The following SPRED1 variants were observed in gnomAD, a reference collection of about 807,000 sequenced individuals.
The protein encoded by SPRED1 is sprouty related EVH1 domain containing 1, also known as sprouty-related, EVH1 domain-containing protein 1.
In SPRED1, 18 loss-of-function variants were observed where a neutral mutation model predicts 52.3. The observed-to-expected ratio is 0.34, with a 90% CI of 0.24 to 0.51. The LOEUF (loss-of-function observed/expected upper bound fraction) is 0.51. Among genes scored for constraint, SPRED1 ranks in the 20% least tolerant of loss-of-function variants. The probability of loss-of-function intolerance (pLI) is 0.97; values close to 1 mark genes in which losing one functional copy is unlikely to be tolerated. For missense variants in SPRED1, 485 were observed against 551.0 expected (o/e 0.88, Z 1.20); for synonymous variants, 155 against 179.7 (o/e 0.86, Z 1.10).
chr15:38,334,659 T>G (rs1424752221), intron 4 of SPRED1, among the ~76,000 whole-genome samples: 1 of 152,102 alleles, frequency 6.6e-6, no homozygotes, highest in African/African-American at 2.4e-5. Context: ...TTGGGAATAC[T>G]GAAAATATCA....
intron 1 of SPRED1, among the ~76,000 whole-genome samples, chr15:38,263,573 AG>A: frequency 6.6e-6 from 1 of 152,202 alleles, no homozygotes; most frequent in Non-Finnish European, 1.5e-5. Flanking sequence ...TTAGAAGCCA[AG>A]GGAAAAAGGA....
In SPRED1 at chr15:38,353,888, G is replaced by A. The variant is rs1888549087; in HGVS notation, c.*2224G>A. The A allele has an allele frequency of 6.6e-6, 1 of 152,490 alleles. No homozygotes were observed. Among genetic ancestry groups the A allele is most frequent in the African/African-American group, 2.4e-5 (1 of 41,446 alleles). 9.4% of individuals were successfully genotyped at this position (152,490 alleles called of 1,614,324 possible). A position where few individuals can be genotyped will look rare whatever the true frequency, so the allele number is the denominator to read the frequency against. On this transcript the variant is annotated 3_prime_UTR_variant, in exon 7 of 7. Transcript: ENST00000299084. ...TCAGTATAGTGCAACTCCTGGTTCT[G>A]TACTGTATTTTATATGCAACATATA...
chr15:38,273,439 A>C (rs1220091627), intron 1 of SPRED1, among the ~76,000 whole-genome samples: 1 of 151,368 alleles, frequency 6.6e-6, no homozygotes, highest in Non-Finnish European at 1.5e-5. Context: ...GTCTGTTAAC[A>C]ACATAGAGCT....
rs1167176038 is a variant in SPRED1, at chr15:38,352,346, C to A, written c.*682C>A. ...CATGCGAATGATTTGATATTTTCATCCTTATTTCTCTTTGGCTACAATTTA... is the reference window on the plus strand; with the variant it reads ...CATGCGAATGATTTGATATTTTCATACTTATTTCTCTTTGGCTACAATTTA... On this transcript the variant is annotated 3_prime_UTR_variant, in exon 7 of 7. Coordinates refer to ENST00000299084, the MANE Select transcript of SPRED1 (RefSeq NM_152594.3). The A allele has an allele frequency of 6.6e-6, 1 of 151,998 alleles. No homozygotes were observed. Among genetic ancestry groups the A allele is most frequent in the Non-Finnish European group, 1.5e-5 (1 of 67,938 alleles). The allele number at this position is 151,998 out of a possible 1,614,324, so 9.4% of individuals were successfully genotyped here. A position where few individuals can be genotyped will look rare whatever the true frequency, so the allele number is the denominator to read the frequency against.
At chr15:38,336,030 T>G (rs1895906086) in intron 4 of SPRED1, among the ~76,000 whole-genome samples, 1 of 152,154 alleles carries the variant, frequency 6.6e-6, no homozygotes, top group African/African-American at 2.4e-5. Flanking sequence ...TCATTTTATT[T>G]CCAACTTTTT....
Position 38,339,721 on chromosome 15 carries a change from G to A in SPRED1, c.424-16G>A, listed in dbSNP as rs759113238. 2 of 1,612,926 alleles carry A rather than the reference G, an allele frequency of 1.2e-6. No homozygotes were observed. The highest frequency in any genetic ancestry group is 1.3e-5 in the African/African-American group (1 of 74,850). On this transcript the variant is annotated splice_polypyrimidine_tract_variant and intron_variant, in intron 4 of 6. Coordinates refer to ENST00000299084, the MANE Select transcript of SPRED1 (RefSeq NM_152594.3). ...TTTATTCTGGCAACTAATGCATTGAGGGTTGTTCCCAATAGGCAAATGAAG... is the reference window on the plus strand; with the variant it reads ...TTTATTCTGGCAACTAATGCATTGAAGGTTGTTCCCAATAGGCAAATGAAG...
At chr15:38,288,303 A>C (rs1291109122) in intron 1 of SPRED1, among the ~76,000 whole-genome samples, 1 of 152,176 alleles carries the variant, frequency 6.6e-6, no homozygotes, top group Non-Finnish European at 1.5e-5. Context: ...GTCTTCATAG[A>C]GGTTCATGAA....
At chr15:38,330,634 AACACATGT>A (rs1895789163) in intron 4 of SPRED1, among the ~76,000 whole-genome samples, 2 of 152,134 alleles carry the variant, frequency 1.3e-5, no homozygotes, top group Admixed American at 6.6e-5. Flanking sequence ...TAGCATGTTT[AACACATGT>A]AATGCCAAGA....
At chr15:38,300,190 T>C (rs1895124632) in intron 2 of SPRED1, among the ~76,000 whole-genome samples, 1 of 152,152 alleles carries the variant, frequency 6.6e-6, no homozygotes, top group Admixed American at 6.5e-5. Context: ...TAACCTTTGA[T>C]AATGTTATTT....
At chr15:38,289,550 A>G (rs1894878724) in intron 1 of SPRED1, among the ~76,000 whole-genome samples, 1 of 152,130 alleles carries the variant, frequency 6.6e-6, no homozygotes, top group East Asian at 1.9e-4. Context: ...GAGCTTTGAT[A>G]TAGGGAGATT....
chr15:38,339,690 G>T, intron 4 of SPRED1, 47 bp from the exon 5 acceptor site: 3 of 1,583,222 alleles, frequency 1.9e-6, no homozygotes, highest in Non-Finnish European at 2.6e-6. Flanking sequence ...TGTGGTGGTG[G>T]TGGTTTTTAT....
In SPRED1 at chr15:38,351,364, A is replaced by G. The variant is rs770375243; in HGVS notation, c.1035A>G (p.Glu345=). 6.2e-7 allele frequency: 1 copy of G among 1,614,154 alleles called. No individual in the cohort carries two copies. The highest frequency in any genetic ancestry group is 1.1e-5 in the South Asian group (1 of 91,080). The change falls in exon 7 of 7, where the codon GAA becomes GAG. Residue 345 remains glutamate, a synonymous_variant. Coordinates refer to ENST00000299084, the MANE Select transcript of SPRED1 (RefSeq NM_152594.3). ...ACTGCCAGGAAAGGTTTAATCATGA[A>G]GAAAATGTTAGGGGAAAATGTCAGG... ...CVYCQERFNH[E]ENVRGKCQDA...
chr15:38,294,379 T>C (rs1894988311), intron 1 of SPRED1, among the ~76,000 whole-genome samples: 1 of 152,192 alleles, frequency 6.6e-6, no homozygotes, highest in Non-Finnish European at 1.5e-5. Flanking sequence ...TTAATACTAT[T>C]GTAATTAAAA....
intron 4 of SPRED1, among the ~76,000 whole-genome samples, chr15:38,325,335 A>G (rs1462960305): frequency 6.6e-6 from 1 of 152,210 alleles, no homozygotes; most frequent in African/African-American, 2.4e-5. Context: ...ATTGGGTACT[A>G]TCCTTAAGAT....
intron 2 of SPRED1, among the ~76,000 whole-genome samples, chr15:38,314,100 T>A (rs1268783806): frequency 6.6e-6 from 1 of 151,882 alleles, no homozygotes; most frequent in Non-Finnish European, 1.5e-5. Flanking sequence ...TATGTTATAT[T>A]GTGGGTAAAT....
At chr15:38,293,355 C>T (rs1439647444) in intron 1 of SPRED1, among the ~76,000 whole-genome samples, 1 of 152,034 alleles carries the variant, frequency 6.6e-6, no homozygotes, top group African/African-American at 2.4e-5. Flanking sequence ...GCCTCGGCCT[C>T]CCAAAGTGCT....
At chr15:38,311,012 C>T (rs1319769762) in intron 2 of SPRED1, among the ~76,000 whole-genome samples, 2 of 152,108 alleles carry the variant, frequency 1.3e-5, no homozygotes, top group African/African-American at 2.4e-5. Context: ...AGAGTACATC[C>T]TTGCCTTGTT....
intron 1 of SPRED1, among the ~76,000 whole-genome samples, chr15:38,254,906 A>G (rs1166590812): frequency 6.6e-6 from 1 of 152,230 alleles, no homozygotes; most frequent in Non-Finnish European, 1.5e-5. Flanking sequence ...GAATGACGGT[A>G]ACTTTTATTG....
intron 1 of SPRED1, among the ~76,000 whole-genome samples, chr15:38,281,730 T>G (rs1025569750): frequency 6.6e-6 from 1 of 152,052 alleles, no homozygotes; most frequent in Non-Finnish European, 1.5e-5. Flanking sequence ...CACTGCTCTG[T>G]TTCTTACATT....
Sources: gnomAD v4.1 joint callset for allele counts (sites outside exome capture counted in the v4.1 genomes callset) on GRCh38, gnomAD v4.1.1 for gene constraint, MANE v1.5 for transcripts, NCBI Gene and HGNC (gene_info 2026-07-23, HGNC 2026-07-21) for gene names.